The following SEPTIN8 variants were observed in gnomAD, a reference collection of about 807,000 sequenced individuals.
The protein encoded by SEPTIN8 is septin 8.
SEPTIN8 carries 22 observed loss-of-function variants against 53.1 expected under a neutral mutation model. The observed-to-expected ratio is 0.41, with a 90% CI of 0.30 to 0.59. The LOEUF is 0.59. SEPTIN8 is among the 20% of genes least tolerant of loss of function. The pLI, the probability that SEPTIN8 is intolerant of heterozygous loss-of-function variation, is 0.24. For synonymous variants in SEPTIN8, 228 were observed against 248.4 expected (o/e 0.92, Z 0.77); for missense variants, 536 against 638.7 (o/e 0.84, Z 1.73).
At chr5:132,772,243 T>C (rs985013179) in intron 1 of SEPTIN8, among the ~76,000 whole-genome samples, 2 of 152,174 alleles carry the variant, frequency 1.3e-5, no homozygotes, top group Non-Finnish European at 2.9e-5. Context: ...TGGAGCTTAT[T>C]AATTTGGGAT....
chr5:132,755,828 C>G (rs1460257883), intron 9 of SEPTIN8, among the ~76,000 whole-genome samples: 1 of 152,164 alleles, frequency 6.6e-6, no homozygotes, highest in Non-Finnish European at 1.5e-5. Context: ...ATGCAAGAGC[C>G]TTTCACAGAT....
chr5:132,755,299 C>T (rs562701850), intron 9 of SEPTIN8, among the ~76,000 whole-genome samples: 1 of 152,308 alleles, frequency 6.6e-6, no homozygotes, highest in South Asian at 2.1e-4. Flanking sequence ...TCTGCTCTTC[C>T]TCAGCCACTT....
chr5:132,753,122 A>G, intron 9 of SEPTIN8: 1 of 633,620 alleles, frequency 1.6e-6, no homozygotes, highest in Non-Finnish European at 2.7e-6. Flanking sequence ...GAGCCCTTGG[A>G]AAAAAAATAA....
intron 1 of SEPTIN8, among the ~76,000 whole-genome samples, chr5:132,772,127 G>T (rs1324449405): frequency 6.6e-6 from 1 of 152,214 alleles, no homozygotes; most frequent in African/African-American, 2.4e-5. Context: ...GGAAGAGAAG[G>T]AATTTTGGGA....
chr5:132,769,986 T>TATAC (rs1757018855), intron 1 of SEPTIN8, among the ~76,000 whole-genome samples: 2 of 16,906 alleles, frequency 1.2e-4, no homozygotes, highest in Non-Finnish European at 2.3e-4. Context: ...TATATACATA[T>TATAC]ATATATATAT....
Position 132,751,121 on chromosome 5 carries a change from T to G in SEPTIN8, c.*895A>C. 1.8e-6 allele frequency: 2 copies of G among 1,102,786 alleles called. No individual in the cohort carries two copies. The highest frequency in any genetic ancestry group is 2.4e-5 in the Admixed American group (1 of 42,004). 68.3% of individuals were successfully genotyped at this position (1,102,786 alleles called of 1,614,324 possible). On this transcript the variant is annotated 3_prime_UTR_variant, in exon 10 of 10. Transcript: ENST00000378719. ...CCCTTGCACATGCACCACAGTGAGG[T>G]GACGCACAAGGCTCATGACATACGG...
intron 1 of SEPTIN8, among the ~76,000 whole-genome samples, chr5:132,775,210 C>T (rs1466476542): frequency 6.6e-6 from 1 of 152,178 alleles, no homozygotes; most frequent in Non-Finnish European, 1.5e-5. Context: ...ACACAGGACC[C>T]CAGGGGAAGG....
intron 9 of SEPTIN8, among the ~76,000 whole-genome samples, chr5:132,754,948 G>A (rs1188486019): frequency 6.6e-6 from 1 of 152,194 alleles, no homozygotes; most frequent in Non-Finnish European, 1.5e-5. Context: ...GAACAGGGCA[G>A]GGGGAGCATC....
At chr5:132,764,516 A>C in intron 2 of SEPTIN8, 97 bp from the exon 3 acceptor site, 1 of 997,946 alleles carries the variant, frequency 1.0e-6, no homozygotes, top group Non-Finnish European at 1.5e-6. Flanking sequence ...TCAGGCATCC[A>C]TGGCCCCTGG....
rs1581166821 is a variant in SEPTIN8, at chr5:132,764,291, T to C, written c.280A>G (p.Asn94Asp). Residue 94 changes from asparagine to aspartate, a missense_variant, in exon 3 of 10, where the codon AAC (asparagine) becomes GAC (aspartate). By Grantham distance (23) the Asn-to-Asp change is conservative. Around this residue, in one of 3 missense-constraint regions of SEPTIN8, gnomAD observed 395 missense variants for 451.8 expected, o/e 0.87. Transcript: ENST00000378719. ...RPQTYDLQES[N>D]VQLKLTIVDA... ...ACAATGGTCAGCTTGAGCTGCACGTTGCTCTCCTGGAGGTCATAGGTCTGG... is the reference window on the plus strand; with the variant it reads ...ACAATGGTCAGCTTGAGCTGCACGTCGCTCTCCTGGAGGTCATAGGTCTGG... 3.1e-6 allele frequency: 5 copies of C among 1,614,062 alleles called. No homozygotes were observed. In the East Asian group the frequency reaches 1.1e-4, roughly 36 times the overall value.
In SEPTIN8 at chr5:132,751,857, G is replaced by A; in HGVS notation, c.*159C>T. ...CATGGATAGGAATGAAAAGGGTTGG[G>A]CAACATTTGATGTTCCCTGATGGAA... On this transcript the variant is annotated 3_prime_UTR_variant, in exon 10 of 10. Coordinates refer to ENST00000378719, the MANE Select transcript of SEPTIN8 (RefSeq NM_001098811.2). The A allele has an allele frequency of 7.6e-7, 1 of 1,311,046 alleles. No individual in the cohort carries two copies. Among genetic ancestry groups the A allele is most frequent in the Non-Finnish European group, 1.0e-6 (1 of 954,900 alleles). The allele number at this position is 1,311,046 out of a possible 1,614,324, so 81.2% of individuals were successfully genotyped here.
chr5:132,757,953 G>A (rs901471974), intron 9 of SEPTIN8: 2 of 986,026 alleles, frequency 2.0e-6, no homozygotes, highest in African/African-American at 3.5e-5. Context: ...GAATATGCAG[G>A]ATTTGCTTGG....
chr5:132,770,714 G>A (rs1189169713), intron 1 of SEPTIN8, among the ~76,000 whole-genome samples: 5 of 152,176 alleles, frequency 3.3e-5, no homozygotes, highest in African/African-American at 1.2e-4. Context: ...GGAGCCTTCA[G>A]GCAGGACAAC....
rs751947349 is a variant in SEPTIN8, at chr5:132,760,889, C to T, written c.1199G>A (p.Arg400His). ...CAGGGCCTCCACCGCAGCCTTCCGGCGATTGAAGGCGTTGGTCTCCTCCTC... is the reference window on the plus strand; with the variant it reads ...CAGGGCCTCCACCGCAGCCTTCCGGTGATTGAAGGCGTTGGTCTCCTCCTC... ...ELEEETNAFN[R>H]RKAAVEALQS... Residue 400 changes from arginine (R) to histidine (H), a missense_variant, in exon 9 of 10, where the codon CGC becomes CAC. Arg to His is a conservative substitution (Grantham distance 29). Around this residue, in one of 3 missense-constraint regions of SEPTIN8, gnomAD observed 133 missense variants for 157.4 expected, o/e 0.84. Coordinates refer to ENST00000378719, the MANE Select transcript of SEPTIN8 (RefSeq NM_001098811.2). This position sits in a 1 kb window ranked among gnomAD's most constrained non-coding sequence, Gnocchi z 5.2. 7 of 1,611,140 alleles carry T rather than the reference C, an allele frequency of 4.3e-6. No individual in the cohort carries two copies. Among genetic ancestry groups the T allele is most frequent in the East Asian group, 2.2e-5 (1 of 44,880 alleles).
Position 132,760,606 on chromosome 5 carries a change from G to A in SEPTIN8, c.1286+196C>T, listed in dbSNP as rs573218565. Among the ~76,000 whole-genome samples, 3 of 149,024 alleles carry A rather than the reference G, an allele frequency of 2.0e-5. No individual in the cohort carries two copies. Among genetic ancestry groups the A allele is most frequent in the African/African-American group, 5.1e-5 (2 of 38,906 alleles). ...TGAGTATCAGAGCAATCCAGACGGC[G>A]AGACACTGGATCACTAGTGAAAGAA... On this transcript the variant is annotated intron_variant, in intron 9 of 9. Transcript: ENST00000378719. The surrounding 1 kb of genome is among the most constrained non-coding windows in gnomAD (Gnocchi z 5.2).
intron 1 of SEPTIN8, among the ~76,000 whole-genome samples, chr5:132,771,762 C>A (rs1226928502): frequency 6.6e-6 from 1 of 152,106 alleles, no homozygotes; most frequent in Non-Finnish European, 1.5e-5. Flanking sequence ...TGTCCTTGAG[C>A]CTGAGAGGAA....
intron 4 of SEPTIN8, among the ~76,000 whole-genome samples, chr5:132,763,230 T>C (rs998825917): frequency 2.0e-5 from 3 of 152,086 alleles, no homozygotes; most frequent in Non-Finnish European, 2.9e-5. Context: ...CCACCCCTCA[T>C]TCACATCCCA....
In SEPTIN8 at chr5:132,751,752, C is replaced by CTTTT; in HGVS notation, c.*260_*263dup. ...CATAACGATGATGTCACAAAGCAGA[C>CTTTT]TTTTTTTTTTTTTTGGTCCCGGAGT... is the stretch of plus-strand genomic sequence containing the variant. On this transcript the variant is annotated 3_prime_UTR_variant, in exon 10 of 10. Coordinates refer to ENST00000378719, the MANE Select transcript of SEPTIN8 (RefSeq NM_001098811.2). 1 of 546,370 alleles carries CTTTT rather than the reference C, an allele frequency of 1.8e-6. No individual in the cohort carries two copies. The highest frequency in any genetic ancestry group is 2.4e-5 in the South Asian group (1 of 41,902). 33.8% of individuals were successfully genotyped at this position (546,370 alleles called of 1,614,324 possible).
At position 132,761,090 on chromosome 5, in the gene SEPTIN8, C is replaced by A. The variant is rs1477516527; in HGVS notation, c.1095+43G>T. ...CACCTCTACCCTCAGCCAGGCCTTCCCTCCCTCAGCTTCCCCATCCCAGCC... is the reference window on the plus strand; with the variant it reads ...CACCTCTACCCTCAGCCAGGCCTTCACTCCCTCAGCTTCCCCATCCCAGCC... On this transcript the variant is annotated intron_variant, in intron 8 of 9. Transcript: ENST00000378719. This position sits in a 1 kb window ranked among gnomAD's most constrained non-coding sequence, Gnocchi z 5.8. 1.9e-6 allele frequency: 3 copies of A among 1,612,516 alleles called. No individual in the cohort carries two copies. In the South Asian group the frequency reaches 3.3e-5, roughly 18 times the overall value.
Sources: allele counts gnomAD v4.1 joint callset (sites outside exome capture counted in the v4.1 genomes callset), GRCh38; gene constraint gnomAD v4.1.1; regional missense constraint gnomAD v4.1.1; non-coding constraint Gnocchi (gnomAD v3.1); transcripts MANE v1.5; gene names NCBI Gene and HGNC (gene_info 2026-07-23, HGNC 2026-07-21).